YJU2B: variants seen among roughly 807,000 people sequenced by gnomAD.
The protein encoded by YJU2B is probable splicing factor YJU2B.
In YJU2B, 18 loss-of-function variants were observed where a neutral mutation model predicts 38.0. The ratio of observed to expected loss-of-function variants is 0.47; its 90% CI spans 0.33 to 0.70. The LOEUF (loss-of-function observed/expected upper bound fraction) is 0.70, where lower values mean the gene tolerates loss of function less well. Ranked by LOEUF, YJU2B falls within the 30% of genes least tolerant of loss-of-function variation. YJU2B has a pLI of 0.02. For synonymous variants in YJU2B, 246 were observed against 225.4 expected, an observed-to-expected ratio of 1.09 and a Z score of -0.82; for missense variants, 538 against 556.3, an observed-to-expected ratio of 0.97 and a Z score of 0.33.
intron 1 of YJU2B, among the ~76,000 whole-genome samples, chr19:13,750,976 CAG>C (rs1973439861): frequency 6.6e-6 from 1 of 151,258 alleles, no homozygotes; most frequent in Non-Finnish European, 1.5e-5. Context: ...GTGGCTGGAA[CAG>C]AGTGAACGAG....
chr19:13,761,448 C>G (rs1203190751), intron 8 of YJU2B: 1 of 152,586 alleles, frequency 6.6e-6, no homozygotes, highest in African/African-American at 2.4e-5. Flanking sequence ...CCCTACCCAC[C>G]TGTCCTGCAT....
upstream of YJU2B, among the ~76,000 whole-genome samples, chr19:13,743,650 T>C (rs1057154537): frequency 7.1e-6 from 1 of 141,300 alleles, no homozygotes; most frequent in Non-Finnish European, 1.5e-5. Context: ...CCCAACACTT[T>C]GGGAGGCCAA....
At chr19:13,755,961 A>T (rs556517130) in intron 3 of YJU2B, among the ~76,000 whole-genome samples, 3 of 152,248 alleles carry the variant, frequency 2.0e-5, no homozygotes, top group Admixed American at 2.0e-4. Context: ...TCCATCTCAA[A>T]AAATAAATAA....
intron 8 of YJU2B, among the ~76,000 whole-genome samples, chr19:13,761,751 T>TC (rs76498951): frequency 7.2e-6 from 1 of 139,776 alleles, no homozygotes; most frequent in African/African-American, 3.1e-5. Flanking sequence ...TGAAACAGTC[T>TC]CCCCCCTTTC....
At position 13,751,773 on chromosome 19, in the gene YJU2B, C is replaced by T. The variant is rs376630205; in HGVS notation, c.-36C>T. 38 of 1,613,522 alleles carry T rather than the reference C, an allele frequency of 2.4e-5. No homozygotes were observed. Among genetic ancestry groups the T allele is most frequent in the Middle Eastern group, 1.6e-4 (1 of 6,084 alleles). ...TTCACAAGGCCAGTTTCTGATCGTC[C>T]GCCCCGAGGCTGAGGACCAGTAGGC... is the stretch of plus-strand genomic sequence containing the variant. On this transcript the variant is annotated 5_prime_UTR_variant, in exon 2 of 10. Coordinates refer to ENST00000221554, the MANE Select transcript of YJU2B (RefSeq NM_030818.4).
Position 13,757,573 on chromosome 19 carries a change from A to AG in YJU2B, c.196+103dup. ...GGTGGGAGGGTCCTGATCAGGAATG[A>AG]GGGAGGAGACGGGCACCCGAGTGAC... is the stretch of plus-strand genomic sequence containing the variant. On this transcript the variant is annotated intron_variant, in intron 5 of 9. Transcript: ENST00000221554. The AG allele has an allele frequency of 4.9e-6, 6 of 1,221,960 alleles. No homozygotes were observed. The South Asian group carries it at 7.4e-5, about 15-fold the overall frequency. 75.7% of individuals were successfully genotyped at this position (1,221,960 alleles called of 1,614,324 possible).
At chr19:13,755,226 G>A (rs1599524842) in intron 3 of YJU2B, among the ~76,000 whole-genome samples, 6 of 151,258 alleles carry the variant, frequency 4.0e-5, no homozygotes, top group African/African-American at 1.5e-4. Flanking sequence ...ACTTTGGGAG[G>A]CCAAGGCAGG....
intron 8 of YJU2B, 27 bp downstream of exon 8, chr19:13,759,299 G>C (rs757972707): frequency 6.3e-7 from 1 of 1,575,324 alleles, no homozygotes; most frequent in Non-Finnish European, 8.6e-7. Context: ...CCCGGGGTCA[G>C]AGAGGATGCA....
Position 13,762,721 on chromosome 19 carries a change from G to A in YJU2B, c.844G>A (p.Ala282Thr), listed in dbSNP as rs764089924. The change falls in exon 10 of 10, where the codon GCG becomes ACG. Residue 282 changes from alanine to threonine, a missense_variant. This residue lies in a region of YJU2B where 488 missense variants were observed against 469.5 expected (regional missense o/e 1.04). Coordinates refer to ENST00000221554, the MANE Select transcript of YJU2B (RefSeq NM_030818.4). ...LKKLAQSRRT[A>T]LATSPITVGD... ...GAAGCTGGCACAGAGCCGCAGAACC[G>A]CGCTTGCCACCTCCCCCATCACCGT... 7 of 1,607,724 alleles carry A rather than the reference G, an allele frequency of 4.4e-6. No homozygotes were observed. The highest frequency in any genetic ancestry group is 2.2e-5 in the East Asian group (1 of 44,832).
At position 13,762,927 on chromosome 19, in the gene YJU2B, G is replaced by A. The variant is rs779463722; in HGVS notation, c.1050G>A (p.Arg350=). ...TTETPKCSSP[R]GQEGSRQDKP... is the part of the protein sequence containing the mutation. ...AGACCCCCAAGTGCAGCAGCCCGAG[G>A]GGGCAGGAAGGGAGCCGTCAGGACA... Residue 350 remains arginine (R), a synonymous_variant, in exon 10 of 10, where the codon AGG becomes AGA. Coordinates refer to ENST00000221554, the MANE Select transcript of YJU2B (RefSeq NM_030818.4). 10 of 1,611,824 alleles carry A rather than the reference G, an allele frequency of 6.2e-6. No individual in the cohort carries two copies. In the African/African-American group the frequency reaches 9.3e-5, roughly 15 times the overall value.
chr19:13,755,056 C>G (rs1450846615), intron 3 of YJU2B, among the ~76,000 whole-genome samples: 1 of 151,250 alleles, frequency 6.6e-6, no homozygotes, highest in African/African-American at 2.4e-5. Flanking sequence ...CCTAGCTACT[C>G]AGGAGGCTGA....
At chr19:13,753,137 C>T (rs1466276025) in intron 2 of YJU2B, among the ~76,000 whole-genome samples, 2 of 152,194 alleles carry the variant, frequency 1.3e-5, no homozygotes, top group Non-Finnish European at 2.9e-5. Flanking sequence ...CCAAGTAGCC[C>T]TTCCCCAATC....
rs771000575 is a variant in YJU2B at position 13,762,955 on chromosome 19, C to A, written c.1078C>A (p.Pro360Thr). Reference sequence around the variant, plus strand: ...GCAGGAAGGGAGCCGTCAGGACAAGCCCCTGTCGCCAGCAGGCTCCTCCCA... The same window carrying A: ...GCAGGAAGGGAGCCGTCAGGACAAGACCCTGTCGCCAGCAGGCTCCTCCCA... ...RGQEGSRQDK[P>T]LSPAGSSQEA... is the part of the protein sequence containing the mutation. Residue 360 changes from proline to threonine, a missense_variant, in exon 10 of 10, where the codon CCC becomes ACC. By Grantham distance (38) the Pro-to-Thr change is conservative (BLOSUM62 -1). This residue lies in a region of YJU2B where 488 missense variants were observed against 469.5 expected (regional missense o/e 1.04). Transcript: ENST00000221554. 2.5e-6 allele frequency: 4 copies of A among 1,611,772 alleles called. No individual in the cohort carries two copies. Among genetic ancestry groups the A allele is most frequent in the African/African-American group, 1.3e-5 (1 of 74,906 alleles).
At chr19:13,758,736 A>G (rs1327090014) in intron 6 of YJU2B, 132 bp from the exon 7 acceptor site, 8 of 1,086,248 alleles carry the variant, frequency 7.4e-6, no homozygotes, top group African/African-American at 1.6e-5. Context: ...GTGGCTCTAC[A>G]CGGCACACAG....
At chr19:13,746,928 A>G (rs1200810240), upstream of YJU2B, among the ~76,000 whole-genome samples, 1 of 152,012 alleles carries the variant, frequency 6.6e-6, no homozygotes, top group African/African-American at 2.4e-5. Flanking sequence ...AGTATCAAAG[A>G]AAAGAATAGG....
At chr19:13,746,781 C>T (rs1327712064), upstream of YJU2B, among the ~76,000 whole-genome samples, 1 of 152,082 alleles carries the variant, frequency 6.6e-6, no homozygotes, top group Admixed American at 6.6e-5. Context: ...GTGGAAGGTG[C>T]CTGTAATCCC....
At position 13,759,029 on chromosome 19, in the gene YJU2B, C is replaced by A. The variant is rs756116938; in HGVS notation, c.400+19C>A. Reference sequence around the variant, plus strand: ...ACCACAGGTGAGCGCCACCCACTTACCTGCCTGGGGGCCCTGGCCCTGAGT... The same window carrying A: ...ACCACAGGTGAGCGCCACCCACTTAACTGCCTGGGGGCCCTGGCCCTGAGT... On this transcript the variant is annotated intron_variant, in intron 7 of 9. Transcript: ENST00000221554. 3.1e-6 allele frequency: 5 copies of A among 1,612,298 alleles called. No individual in the cohort carries two copies. The highest frequency in any genetic ancestry group is 1.7e-5 in the Admixed American group (1 of 59,672).
At chr19:13,738,687 C>G in intron 2 of YJU2B, among the ~76,000 whole-genome samples, 1 of 151,998 alleles carries the variant, frequency 6.6e-6, no homozygotes, top group South Asian at 2.1e-4. Flanking sequence ...GTCAGGAGAT[C>G]GAGACTATCC....
Position 13,750,230 on chromosome 19 carries a change from TTTTG to T in YJU2B, c.-201-1365_-201-1362del, listed in dbSNP as rs566035460. Among the ~76,000 whole-genome samples the T allele has an allele frequency of 2.2e-3, 337 of 152,244 alleles. 1 individual carries two copies. Among genetic ancestry groups the T allele is most frequent in the African/African-American group, 7.6e-3 (318 of 41,572 alleles). On this transcript the variant is annotated intron_variant, in intron 1 of 9. Coordinates refer to ENST00000221554, the MANE Select transcript of YJU2B (RefSeq NM_030818.4). ...ATGGTTAGATGAGTTCATTGGTTTTTTTTGTTTGTTTGTTTGAGACGGAGTCTCA... is the reference window on the plus strand; with the variant it reads ...ATGGTTAGATGAGTTCATTGGTTTTTTTTGTTTGTTTGAGACGGAGTCTCA...
Sources: allele counts gnomAD v4.1 joint callset (sites outside exome capture counted in the v4.1 genomes callset), GRCh38; gene constraint gnomAD v4.1.1; regional missense constraint gnomAD v4.1.1; transcripts MANE v1.5; gene names NCBI Gene and HGNC (gene_info 2026-07-23, HGNC 2026-07-21).